Variants in WDR91 observed in about 807,000 individuals in gnomAD.
WDR91 encodes the protein WD repeat domain 91, also known as WD repeat-containing protein 91.
In WDR91, 52 loss-of-function variants were observed where a neutral mutation model predicts 88.4. That is an observed-to-expected ratio of 0.59 (90% CI 0.47 to 0.74). WDR91 has a LOEUF of 0.74. Ranked by LOEUF, WDR91 falls within the 30% of genes least tolerant of loss-of-function variation. The pLI is 0.00. For missense variants in WDR91, 824 were observed against 954.5 expected (o/e 0.86, Z 1.80); for synonymous variants, 362 against 389.5 (o/e 0.93, Z 0.83).
At position 135,205,781 on chromosome 7, in the gene WDR91, C is replaced by A. The variant is rs888989429; in HGVS notation, c.725+147G>T. 12 of 1,199,424 alleles carry A rather than the reference C, an allele frequency of 1.0e-5. No individual in the cohort carries two copies. The Middle Eastern group carries it at 1.5e-3, about 148-fold the overall frequency. The allele number at this position is 1,199,424 out of a possible 1,614,324, so 74.3% of individuals were successfully genotyped here. ...TCTCTAAAAATAAAAATAAAGCTCT[C>A]AAGCAAGAGCAGTGTGTGCCAGGAG... On this transcript the variant is annotated intron_variant, in intron 5 of 14. Coordinates refer to ENST00000354475, the MANE Select transcript of WDR91 (RefSeq NM_014149.4).
In WDR91 at chr7:135,209,670, C is replaced by T. The variant is rs1039643938; in HGVS notation, c.209G>A (p.Arg70His). Residue 70 changes from arginine (R) to histidine (H), a missense_variant, in exon 2 of 15, where the codon CGT becomes CAT. By Grantham distance (29) the Arg-to-His change is conservative. Transcript: ENST00000354475. ...ALRDYWSYLE[R>H]RLFSRLEDIY... ...ATCCTCCAAGCGGCTGAAGAGCCGA[C>T]GCTCCAAGTAGCTCCAATAATCCCG... The T allele has an allele frequency of 5.6e-6, 9 of 1,613,406 alleles. No individual in the cohort carries two copies. The highest frequency in any genetic ancestry group is 2.7e-5 in the African/African-American group (2 of 74,882).
intron 3 of WDR91, among the ~76,000 whole-genome samples, chr7:135,208,019 A>G (rs1213685193): frequency 6.6e-6 from 1 of 152,184 alleles, no homozygotes; most frequent in Non-Finnish European, 1.5e-5. Flanking sequence ...AGAAAGGGTG[A>G]AGGCAGGAAA....
In WDR91 at chr7:135,196,012, T is replaced by A. The variant is rs1382621317; in HGVS notation, c.1244+132A>T. ...CACTGGCAGCTCCAACCGACTCCCA[T>A]GACTCTACTGCCATGACTGTGGCCC... On this transcript the variant is annotated intron_variant, in intron 8 of 14. Transcript: ENST00000354475. This position sits in a 1 kb window ranked among gnomAD's most constrained non-coding sequence, Gnocchi z 4.2. 1 of 852,446 alleles carries A rather than the reference T, an allele frequency of 1.2e-6. No individual in the cohort carries two copies. The highest frequency in any genetic ancestry group is 3.0e-5 in the East Asian group (1 of 33,240). The allele number at this position is 852,446 out of a possible 1,614,324, so 52.8% of individuals were successfully genotyped here. A position where few individuals can be genotyped will look rare whatever the true frequency, so the allele number is the denominator to read the frequency against.
At chr7:135,200,597 T>C (rs937468275) in intron 6 of WDR91, among the ~76,000 whole-genome samples, 1 of 152,246 alleles carries the variant, frequency 6.6e-6, no homozygotes, top group African/African-American at 2.4e-5. Flanking sequence ...GATGGACAGA[T>C]GAAATAACTG....
chr7:135,188,145 C>G (rs1468699262), intron 13 of WDR91, among the ~76,000 whole-genome samples: 6 of 152,280 alleles, frequency 3.9e-5, no homozygotes, highest in Non-Finnish European at 8.8e-5. Flanking sequence ...CACTCACTAC[C>G]AAGCCCAGCA....
intron 5 of WDR91, among the ~76,000 whole-genome samples, 182 bp downstream of exon 5, chr7:135,205,746 C>T (rs751887503): frequency 6.6e-6 from 1 of 152,118 alleles, no homozygotes; most frequent in Non-Finnish European, 1.5e-5. Context: ...GGCGACAGAG[C>T]GAGACTCCAT....
intron 1 of WDR91, chr7:135,210,817 T>C: frequency 2.8e-6 from 2 of 703,678 alleles, no homozygotes; most frequent in South Asian, 3.0e-5. Flanking sequence ...ATCACACACA[T>C]ATACATTCCA....
chr7:135,208,525 G>C (rs748264165), intron 3 of WDR91, among the ~76,000 whole-genome samples: 1 of 152,166 alleles, frequency 6.6e-6, no homozygotes, highest in Non-Finnish European at 1.5e-5. Flanking sequence ...TGCTGACAAA[G>C]CCAGTACTAG....
chr7:135,202,365 CCTGA>C (rs1831605258), intron 6 of WDR91: 1 of 152,152 alleles, frequency 6.6e-6, no homozygotes, highest in South Asian at 2.1e-4. Flanking sequence ...AAACAAGTGA[CCTGA>C]CTATTGGGTT....
Position 135,189,384 on chromosome 7 carries a change from C to G in WDR91, c.1728G>C (p.Leu576=). 6.2e-7 allele frequency: 1 copy of G among 1,613,972 alleles called. No individual in the cohort carries two copies. The highest frequency in any genetic ancestry group is 2.2e-5 in the East Asian group (1 of 44,890). Residue 576 remains leucine, a synonymous_variant, in exon 12 of 15, where the codon CTG becomes CTC. Coordinates refer to ENST00000354475, the MANE Select transcript of WDR91 (RefSeq NM_014149.4). ...CGCCATCAGCTGCCCCTGTGACCAG[C>G]AGGTTCCCGTTGTGATTGAAGGCTG... The part of the protein sequence containing the change: ...NCTAFNHNGN[L]LVTGAADGVI...
chr7:135,209,511 A>T, intron 2 of WDR91, 65 bp downstream of exon 2: 3 of 1,435,908 alleles, frequency 2.1e-6, no homozygotes, highest in South Asian at 3.1e-5. Context: ...ACTGGAAGAA[A>T]ATCTATTTTG....
At position 135,211,478 on chromosome 7, in the gene WDR91, C is replaced by G. The variant is rs776831358; in HGVS notation, c.25G>C (p.Asp9His). MAEAVERT[D>H]ELVREYLLFR... ...AGCAGGTACTCCCGGACCAGCTCGT[C>G]AGTGCGCTCCACGGCCTCCGCCATC... Residue 9 changes from aspartate (D) to histidine (H), a missense_variant, in exon 1 of 15, where the codon GAC becomes CAC. Physicochemically the swap from Asp to His is moderately conservative, Grantham distance 81. Transcript: ENST00000354475. 1.9e-6 allele frequency: 3 copies of G among 1,611,698 alleles called. No individual in the cohort carries two copies. The highest frequency in any genetic ancestry group is 2.5e-6 in the Non-Finnish European group (3 of 1,179,124).
At position 135,185,871 on chromosome 7, in the gene WDR91, T is replaced by C. The variant is rs559975256; in HGVS notation, c.*280A>G. 149 of 423,418 alleles carry C rather than the reference T, an allele frequency of 3.5e-4. No homozygotes were observed. Among genetic ancestry groups the C allele is most frequent in the Non-Finnish European group, 5.4e-4 (130 of 240,990 alleles). The allele number at this position is 423,418 out of a possible 1,614,324, so 26.2% of individuals were successfully genotyped here. ...TCTACTGGGCCAACACAGTAGCCACTGCAATGTTTCTCCTTCTTCCGGAGC... is the reference window on the plus strand; with the variant it reads ...TCTACTGGGCCAACACAGTAGCCACCGCAATGTTTCTCCTTCTTCCGGAGC... On this transcript the variant is annotated 3_prime_UTR_variant, in exon 15 of 15. Transcript: ENST00000354475.
At chr7:135,189,721 T>C (rs1831090916) in intron 11 of WDR91, among the ~76,000 whole-genome samples, 1 of 152,182 alleles carries the variant, frequency 6.6e-6, no homozygotes. Flanking sequence ...AAATAATACA[T>C]ATCTTAGCAA....
chr7:135,198,454 C>T, intron 6 of WDR91: 1 of 317,136 alleles, frequency 3.2e-6, no homozygotes, highest in East Asian at 5.5e-5. Flanking sequence ...GGGAAGGAGC[C>T]AGCACTTACT....
chr7:135,189,081 G>A (rs1307115034), intron 12 of WDR91, among the ~76,000 whole-genome samples: 2 of 152,224 alleles, frequency 1.3e-5, no homozygotes, highest in Non-Finnish European at 2.9e-5. Context: ...TCACATGGGT[G>A]ACAAGGACTC....
rs540609918 is a variant in WDR91, at chr7:135,196,059, G to A, written c.1244+85C>T. 64 of 1,328,202 alleles carry A rather than the reference G, an allele frequency of 4.8e-5. No homozygotes were observed. Among genetic ancestry groups the A allele is most frequent in the Middle Eastern group, 3.9e-4 (2 of 5,130 alleles). 82.3% of individuals were successfully genotyped at this position (1,328,202 alleles called of 1,614,324 possible). On this transcript the variant is annotated intron_variant, in intron 8 of 14. Transcript: ENST00000354475. This position sits in a 1 kb window ranked among gnomAD's most constrained non-coding sequence, Gnocchi z 4.2. Reference sequence around the variant, plus strand: ...GCCCTCGTCCAAGCCCCCATTCTCCGCCATCTCCTGCTGGCCACACCTCCA... The same window carrying A: ...GCCCTCGTCCAAGCCCCCATTCTCCACCATCTCCTGCTGGCCACACCTCCA...
rs1430881339 is a variant in WDR91, at chr7:135,185,633, C to A, written c.*518G>T. The A allele has an allele frequency of 6.6e-6, 1 of 152,398 alleles. No homozygotes were observed. Among genetic ancestry groups the A allele is most frequent in the East Asian group, 1.9e-4 (1 of 5,178 alleles). The allele number at this position is 152,398 out of a possible 1,614,324, so 9.4% of individuals were successfully genotyped here. The stretch of plus-strand genomic sequence containing the variant: ...TGCCAAACCTTGTTACCCAGCAGAA[C>A]AGACAGAGAGCTGACCTGGCTCCAT... On this transcript the variant is annotated 3_prime_UTR_variant, in exon 15 of 15. Transcript: ENST00000354475.
rs1831253311 is a variant in WDR91, at chr7:135,193,571, A to G, written c.1490+7T>C. ...GCCTTGATGGTGGGGGGTAGGTTCC[A>G]GTTCACCTGGGCATGTTGTCGTTGA... On this transcript the variant is annotated splice_region_variant and intron_variant, in intron 10 of 14. Coordinates refer to ENST00000354475, the MANE Select transcript of WDR91 (RefSeq NM_014149.4). 2 of 1,614,108 alleles carry G rather than the reference A, an allele frequency of 1.2e-6. No homozygotes were observed. Among genetic ancestry groups the G allele is most frequent in the East Asian group, 4.5e-5 (2 of 44,886 alleles).
Sources: allele counts gnomAD v4.1 joint callset (sites outside exome capture counted in the v4.1 genomes callset), GRCh38; gene constraint gnomAD v4.1.1; non-coding constraint Gnocchi (gnomAD v3.1); transcripts MANE v1.5; gene names NCBI Gene and HGNC (gene_info 2026-07-23, HGNC 2026-07-21).